The following ANK2 variants were observed in gnomAD, a reference collection of about 807,000 sequenced individuals.
ANK2 encodes the protein ankyrin-2.
A neutral mutation model predicts 360.5 loss-of-function variants in ANK2; 83 were observed. The ratio of observed to expected loss-of-function variants is 0.23; its 90% CI spans 0.19 to 0.28. The LOEUF (loss-of-function observed/expected upper bound fraction) is 0.28, where lower values mean the gene tolerates loss of function less well. Among genes scored for constraint, ANK2 ranks in the 10% least tolerant of loss-of-function variants. The pLI is 1.00. For missense variants in ANK2, 4,201 were observed against 4,795.7 expected, an observed-to-expected ratio of 0.88 and a Z score of 3.66; for synonymous variants, 1,740 against 1,759.5, an observed-to-expected ratio of 0.99 and a Z score of 0.28.
chr4:113,340,451 G>C (rs2094139228), intron 32 of ANK2, among the ~76,000 whole-genome samples: 1 of 152,302 alleles, frequency 6.6e-6, no homozygotes, highest in East Asian at 1.9e-4. Context: ...CCAGCACTTT[G>C]GGAGGCCAAG....
upstream of ANK2, among the ~76,000 whole-genome samples, chr4:112,816,754 T>C (rs540178473): frequency 9.8e-5 from 15 of 152,370 alleles, no homozygotes; most frequent in South Asian, 2.9e-3. Context: ...CTCACGCCTG[T>C]AATCCCAGCA....
At chr4:113,139,528 A>G (rs1207311160) in intron 1 of ANK2, among the ~76,000 whole-genome samples, 1 of 152,226 alleles carries the variant, frequency 6.6e-6, no homozygotes, top group Non-Finnish European at 1.5e-5. Flanking sequence ...GATTCTGTAC[A>G]CACATATTTG....
At chr4:113,315,231 CA>C (rs2082133799) in intron 24 of ANK2, among the ~76,000 whole-genome samples, 1 of 152,162 alleles carries the variant, frequency 6.6e-6, no homozygotes, top group South Asian at 2.1e-4. Context: ...ATACCGATTG[CA>C]AAGTGCGACT....
chr4:112,777,468 C>G, the ANK2 span, among the ~76,000 whole-genome samples: 46 of 152,066 alleles, frequency 3.0e-4, no homozygotes, highest in African/African-American at 1.1e-3. Flanking sequence ...GTCTTGATCT[C>G]CTGACCTCGT....
At position 113,383,451 on chromosome 4, in the gene ANK2, G is replaced by A. The variant is rs2097201450; in HGVS notation, c.*1980G>A. 1 of 152,634 alleles carries A rather than the reference G, an allele frequency of 6.6e-6. No individual in the cohort carries two copies. 9.5% of individuals were successfully genotyped at this position (152,634 alleles called of 1,614,324 possible). A position where few individuals can be genotyped will look rare whatever the true frequency, so the allele number is the denominator to read the frequency against. On this transcript the variant is annotated 3_prime_UTR_variant, in exon 46 of 46. Coordinates refer to ENST00000357077, the MANE Select transcript of ANK2 (RefSeq NM_001148.6). ...ACTGGAGCTCAAGAAAAGCATTTCTGTTGTGTTATTTGCAGTGCAGATGAT... is the reference window on the plus strand; with the variant it reads ...ACTGGAGCTCAAGAAAAGCATTTCTATTGTGTTATTTGCAGTGCAGATGAT...
At chr4:113,130,134 A>C (rs1040766917) in intron 1 of ANK2, among the ~76,000 whole-genome samples, 1 of 152,172 alleles carries the variant, frequency 6.6e-6, no homozygotes, top group Non-Finnish European at 1.5e-5. Flanking sequence ...GTTCAGTAGG[A>C]TGAAAACTAA....
the ANK2 span, among the ~76,000 whole-genome samples, chr4:112,714,574 T>C: frequency 6.6e-6 from 1 of 152,178 alleles, no homozygotes; most frequent in Admixed American, 6.5e-5. Flanking sequence ...TTTATGAAAG[T>C]GAACTGCATA....
rs564812946 is a variant in ANK2, at chr4:113,340,541, C to G, written c.3894-1147C>G. On this transcript the variant is annotated intron_variant, in intron 32 of 45. Transcript: ENST00000357077. ...AACCCTGTCTCTCACAAAAAAGATA[C>G]AAAAATTAGCTGGACATGGTGGCAC... is the stretch of plus-strand genomic sequence containing the variant. 2.0e-5 allele frequency among the ~76,000 whole-genome samples: 3 copies of G among 152,094 alleles called. No individual in the cohort carries two copies. In the South Asian group the frequency reaches 6.2e-4, roughly 32 times the overall value.
rs983325119 is a variant in ANK2, at chr4:113,250,763, C to A, written c.990+901C>A. 3.8e-4 allele frequency among the ~76,000 whole-genome samples: 53 copies of A among 140,288 alleles called. 9 individuals carry two copies. Among genetic ancestry groups the A allele is most frequent in the Admixed American group, 7.1e-4 (10 of 14,014 alleles). The allele number at this position is 140,288 out of a possible 152,430, so 92.0% of individuals were successfully genotyped here. A position where few individuals can be genotyped will look rare whatever the true frequency, so the allele number is the denominator to read the frequency against. ...TTCCACCTCATACCACCGCCCCCCC[C>A]CCCGACAGAGTTGGTATCAACTAAT... On this transcript the variant is annotated intron_variant, in intron 10 of 45. Transcript: ENST00000357077.
At chr4:112,893,801 C>G (rs2080902632) in intron 1 of ANK2, among the ~76,000 whole-genome samples, 1 of 152,126 alleles carries the variant, frequency 6.6e-6, no homozygotes, top group South Asian at 2.1e-4. Context: ...TTGAGACCAA[C>G]CTGGCCAACA....
At chr4:112,832,218 A>G (rs2059942559) in intron 1 of ANK2, among the ~76,000 whole-genome samples, 1 of 152,134 alleles carries the variant, frequency 6.6e-6, no homozygotes, top group Non-Finnish European at 1.5e-5. Flanking sequence ...ACACCAGGCT[A>G]ATTTCTGTAT....
intron 1 of ANK2, among the ~76,000 whole-genome samples, chr4:112,832,011 C>T (rs1035538175): frequency 4.6e-5 from 7 of 152,126 alleles, no homozygotes; most frequent in African/African-American, 1.7e-4. Context: ...ACACTCACTG[C>T]AAGCGTCCAT....
At chr4:112,778,458 C>T in the ANK2 span, among the ~76,000 whole-genome samples, 2 of 152,294 alleles carry the variant, frequency 1.3e-5, no homozygotes, top group African/African-American at 4.8e-5. Context: ...AGGCATGAAC[C>T]ACCGCAGCTG....
rs764860853 is a variant in ANK2 at position 113,356,770 on chromosome 4, T to C, written c.8152T>C (p.Tyr2718His). The C allele has an allele frequency of 1.9e-6, 3 of 1,614,052 alleles. No individual in the cohort carries two copies. The highest frequency in any genetic ancestry group is 1.7e-6 in the Non-Finnish European group (2 of 1,179,976). ...ATTCCAGCCTGTCGTTTCCAAACAA[T>C]ATACTTTCAAGATGAATGAAGATAC... is the stretch of plus-strand genomic sequence containing the variant. ...VQFQPVVSKQ[Y>H]TFKMNEDTQE... is the part of the protein sequence containing the mutation. The change falls in exon 38 of 46, where the codon TAT (tyrosine) becomes CAT (histidine). Residue 2718 changes from tyrosine to histidine, a missense_variant. By Grantham distance (83) the Tyr-to-His change is moderately conservative (BLOSUM62 2). Transcript: ENST00000357077.
intron 1 of ANK2, among the ~76,000 whole-genome samples, chr4:112,892,138 G>A (rs1274257195): frequency 6.6e-6 from 1 of 152,116 alleles, no homozygotes. Context: ...ATGGGATATG[G>A]GAGTTCTAGG....
chr4:113,037,107 C>T (rs1237228359), intron 2 of ANK2, among the ~76,000 whole-genome samples: 2 of 151,980 alleles, frequency 1.3e-5, no homozygotes, highest in Admixed American at 1.3e-4. Context: ...TCTTCTGCCA[C>T]AATCTATGAG....
At chr4:113,068,015 A>G (rs994041502) in intron 1 of ANK2, among the ~76,000 whole-genome samples, 2 of 152,190 alleles carry the variant, frequency 1.3e-5, no homozygotes, top group South Asian at 2.1e-4. Context: ...TTAAAAGTCT[A>G]TTTATCTAGT....
rs544228857 is a variant in ANK2 at position 112,957,804 on chromosome 4, G to C, written c.21+53290G>C. Among the ~76,000 whole-genome samples, 1,097 of 150,120 alleles carry C rather than the reference G, an allele frequency of 7.3e-3. 17 individuals carry two copies. Among genetic ancestry groups the C allele is most frequent in the Non-Finnish European group, 9.8e-3 (662 of 67,786 alleles). On this transcript the variant is annotated intron_variant, in intron 2 of 30. Coordinates refer to the ANK2 transcript ENST00000503271. Reference sequence around the variant, plus strand: ...GGGCTCCTCACTTCTCAGACGGGGCGGCTGCCGGGCGGAGGGGCTCCTCAC... The same window carrying C: ...GGGCTCCTCACTTCTCAGACGGGGCCGCTGCCGGGCGGAGGGGCTCCTCAC...
chr4:112,900,479 G>T (rs2082997610), intron 1 of ANK2, among the ~76,000 whole-genome samples: 1 of 152,146 alleles, frequency 6.6e-6, no homozygotes, highest in African/African-American at 2.4e-5. Context: ...AAGATGGTAA[G>T]TGATGATCTG....
Sources: allele counts gnomAD v4.1 joint callset (sites outside exome capture counted in the v4.1 genomes callset), GRCh38; gene constraint gnomAD v4.1.1; transcripts MANE v1.5; gene names NCBI Gene and HGNC (gene_info 2026-07-23, HGNC 2026-07-21).